ADHFE1: variants seen among roughly 807,000 people sequenced by gnomAD.
The protein encoded by ADHFE1 is hydroxyacid-oxoacid transhydrogenase, mitochondrial.
ADHFE1 carries 37 observed loss-of-function variants against 54.8 expected under a neutral mutation model. That is an observed-to-expected ratio of 0.68 (90% confidence interval 0.52 to 0.89). The LOEUF (loss-of-function observed/expected upper bound fraction) is 0.89. ADHFE1 is among the 40% of genes least tolerant of loss of function. The pLI, the probability that ADHFE1 is intolerant of heterozygous loss-of-function variation, is 0.00. For missense variants in ADHFE1, 601 were observed against 591.2 expected (o/e 1.02, Z -0.17); for synonymous variants, 203 against 229.3 (o/e 0.89, Z 1.04).
intron 10 of ADHFE1, among the ~76,000 whole-genome samples, chr8:66,454,746 C>T (rs948574845): frequency 6.6e-6 from 1 of 151,636 alleles, no homozygotes; most frequent in Non-Finnish European, 1.5e-5. Flanking sequence ...TGGAGTCTCA[C>T]TCTGTTGTCC....
At chr8:66,442,377 C>T (rs1203237262) in intron 2 of ADHFE1, among the ~76,000 whole-genome samples, 1 of 143,448 alleles carries the variant, frequency 7.0e-6, no homozygotes, top group African/African-American at 2.6e-5. Context: ...GTGGCGCGAT[C>T]TCGGCTCACT....
Position 66,452,046 on chromosome 8 carries a change from C to A in ADHFE1, c.828C>A (p.Asn276Lys). The A allele has an allele frequency of 6.2e-7, 1 of 1,614,210 alleles. No individual in the cohort carries two copies. Among genetic ancestry groups the A allele is most frequent in the Non-Finnish European group, 8.5e-7 (1 of 1,180,042 alleles). ...CACGGCCTGCGTACCAGGGCAGCAA[C>A]CCAATCAGTGACATTTGGGCTATCC... ...PITRPAYQGS[N>K]PISDIWAIHA... The change falls in exon 9 of 14, where the codon AAC (asparagine) becomes AAA (lysine). Residue 276 changes from asparagine (N) to lysine (K), a missense_variant. Transcript: ENST00000396623.
intron 2 of ADHFE1, 110 bp downstream of exon 2, chr8:66,440,309 C>T: frequency 1.0e-6 from 1 of 994,766 alleles, no homozygotes. Context: ...AGAGCAAGGT[C>T]CATGAAAACA....
chr8:66,465,208 C>T (rs1038738851), intron 13 of ADHFE1, among the ~76,000 whole-genome samples: 4 of 152,156 alleles, frequency 2.6e-5, no homozygotes, highest in African/African-American at 9.7e-5. Context: ...TGAGTCCCTG[C>T]TTTCAATTCT....
chr8:66,451,952 G>C lies in ADHFE1; in HGVS notation c.735-1G>C. On this transcript the variant is annotated splice_acceptor_variant, in intron 8 of 13. Coordinates refer to ENST00000396623, the MANE Select transcript of ADHFE1 (RefSeq NM_144650.3). LOFTEE classifies it high-confidence loss of function. The stretch of plus-strand genomic sequence containing the variant: ...TGTGTACTTTCAATATTTCTTTTTA[G>C]CCATGCCCTGGAGTCATACACCACC... 1 of 1,612,966 alleles carries C rather than the reference G, an allele frequency of 6.2e-7. No homozygotes were observed. Among genetic ancestry groups the C allele is most frequent in the Non-Finnish European group, 8.5e-7 (1 of 1,179,602 alleles).
chr8:66,436,304 C>T (rs938865298), intron 1 of ADHFE1, among the ~76,000 whole-genome samples: 2 of 152,102 alleles, frequency 1.3e-5, no homozygotes, highest in Non-Finnish European at 2.9e-5. Context: ...TCTTCAGGAG[C>T]GATTACTCAA....
intron 1 of ADHFE1, among the ~76,000 whole-genome samples, chr8:66,438,205 T>C (rs1319997175): frequency 3.3e-5 from 5 of 151,866 alleles, no homozygotes; most frequent in Non-Finnish European, 7.4e-5. Flanking sequence ...GAGAAGCCAG[T>C]TGGGAATTTG....
Position 66,439,374 on chromosome 8 carries a change from A to G in ADHFE1, c.60-788A>G. 1 of 985,800 alleles carries G rather than the reference A, an allele frequency of 1.0e-6. No homozygotes were observed. The highest frequency in any genetic ancestry group is 4.7e-5 in the South Asian group (1 of 21,292). The allele number at this position is 985,800 out of a possible 1,614,324, so 61.1% of individuals were successfully genotyped here. A position where few individuals can be genotyped will look rare whatever the true frequency, so the allele number is the denominator to read the frequency against. On this transcript the variant is annotated intron_variant, in intron 1 of 13. Coordinates refer to ENST00000396623, the MANE Select transcript of ADHFE1 (RefSeq NM_144650.3). The surrounding 1 kb of genome is among the most constrained non-coding windows in gnomAD (Gnocchi z 4.4). Reference sequence around the variant, plus strand: ...CTCGATCAGAGAGCGAGCAGGAGAAAGAGAAGCCAGAGGAGAGACTGGGAC... The same window carrying G: ...CTCGATCAGAGAGCGAGCAGGAGAAGGAGAAGCCAGAGGAGAGACTGGGAC...
At chr8:66,460,612 C>T in intron 13 of ADHFE1, 147 bp downstream of exon 13, 1 of 940,232 alleles carries the variant, frequency 1.1e-6, no homozygotes, top group East Asian at 2.8e-5. Flanking sequence ...GCAGTTCTGT[C>T]CTTTCCTGGT....
At chr8:66,463,011 G>A (rs1333269994) in intron 13 of ADHFE1, among the ~76,000 whole-genome samples, 3 of 151,904 alleles carry the variant, frequency 2.0e-5, no homozygotes, top group Admixed American at 1.3e-4. Flanking sequence ...TACTAGAGAC[G>A]AGGTTTCACC....
At position 66,442,793 on chromosome 8, in the gene ADHFE1, T is replaced by C; in HGVS notation, c.98-5T>C. On this transcript the variant is annotated splice_polypyrimidine_tract_variant and splice_region_variant and intron_variant, in intron 2 of 13. Transcript: ENST00000396623. The stretch of plus-strand genomic sequence containing the variant: ...CCACTTTGATGCTAACTTTTACATT[T>C]CTAGCCCCTGGACTTTCACCTTCTG... The C allele has an allele frequency of 2.5e-6, 4 of 1,599,642 alleles. No homozygotes were observed. The highest frequency in any genetic ancestry group is 2.6e-6 in the Non-Finnish European group (3 of 1,176,414).
Position 66,468,502 on chromosome 8 carries a change from C to A in ADHFE1, c.*150C>A, listed in dbSNP as rs12265. On this transcript the variant is annotated 3_prime_UTR_variant, in exon 14 of 14. Transcript: ENST00000396623. ...TACATTTATCTTGCAGGAAATTCCC[C>A]AAAGCTCAGAGTCCAGTTCCTTCCA... 33,418 of 544,716 alleles carry A rather than the reference C, an allele frequency of 0.061. 1,570 individuals are homozygous for A. The highest frequency in any genetic ancestry group is 0.22 in the East Asian group (5,519 of 24,958). The allele number at this position is 544,716 out of a possible 1,614,324, so 33.7% of individuals were successfully genotyped here.
chr8:66,452,805 C>T (rs954485089), intron 9 of ADHFE1, among the ~76,000 whole-genome samples: 2 of 152,210 alleles, frequency 1.3e-5, no homozygotes, highest in East Asian at 3.8e-4. Context: ...GAGCAAATAG[C>T]AATCAGGTCC....
intron 10 of ADHFE1, among the ~76,000 whole-genome samples, chr8:66,454,848 G>A (rs1806491595): frequency 6.6e-6 from 1 of 151,834 alleles, no homozygotes; most frequent in Admixed American, 6.6e-5. Context: ...TGATTAGCTG[G>A]GATTACAGAT....
chr8:66,459,740 A>G (rs1159656563), intron 12 of ADHFE1, among the ~76,000 whole-genome samples: 1 of 152,172 alleles, frequency 6.6e-6, no homozygotes, highest in East Asian at 1.9e-4. Flanking sequence ...AGAATCTAAA[A>G]TTAAAAGTTT....
intron 10 of ADHFE1, among the ~76,000 whole-genome samples, chr8:66,456,450 G>A (rs1385108005): frequency 1.3e-5 from 2 of 152,178 alleles, no homozygotes; most frequent in South Asian, 4.1e-4. Context: ...CCAAGGAACT[G>A]CCAGGGAAAA....
intron 8 of ADHFE1, among the ~76,000 whole-genome samples, chr8:66,449,542 G>C (rs2130413981): frequency 6.6e-6 from 1 of 152,332 alleles, no homozygotes; most frequent in Middle Eastern, 3.4e-3. Flanking sequence ...AACTGGGTTT[G>C]AGATGTTTAG....
At position 66,466,951 on chromosome 8, in the gene ADHFE1, A is replaced by G. The variant is rs77996564; in HGVS notation, c.1321-1318A>G. ...CCAGATCGGGGTAGCCTTAGAGGCCATGGTTTTGTTGTAATTGCCACAGGC... is the reference window on the plus strand; with the variant it reads ...CCAGATCGGGGTAGCCTTAGAGGCCGTGGTTTTGTTGTAATTGCCACAGGC... On this transcript the variant is annotated intron_variant, in intron 13 of 13. Transcript: ENST00000396623. Among the ~76,000 whole-genome samples the G allele has an allele frequency of 5.2e-3, 797 of 152,332 alleles. 3 individuals are homozygous for G. Among genetic ancestry groups the G allele is most frequent in the Middle Eastern group, 0.014 (4 of 294 alleles).
intron 1 of ADHFE1, among the ~76,000 whole-genome samples, chr8:66,433,874 G>C (rs964565003): frequency 2.0e-5 from 3 of 152,144 alleles, no homozygotes; most frequent in African/African-American, 7.3e-5. Context: ...CAAATTTTTG[G>C]TTGTAAACCT....
Sources: allele counts gnomAD v4.1 joint callset (sites outside exome capture counted in the v4.1 genomes callset), GRCh38; gene constraint gnomAD v4.1.1; non-coding constraint Gnocchi (gnomAD v3.1); transcripts MANE v1.5; gene names NCBI Gene and HGNC (gene_info 2026-07-23, HGNC 2026-07-21).